The following PPM1H variants were observed in gnomAD, a reference collection of about 807,000 sequenced individuals.
PPM1H encodes protein phosphatase 1H.
A neutral mutation model predicts 54.9 loss-of-function variants in PPM1H; 27 were observed. The ratio of observed to expected loss-of-function variants is 0.49; its 90% CI spans 0.36 to 0.68. The LOEUF is 0.68. PPM1H is among the 30% of genes least tolerant of loss of function. The probability of loss-of-function intolerance (pLI) is 0.00; values close to 1 mark genes in which losing one functional copy is unlikely to be tolerated. For missense variants in PPM1H, 596 were observed against 667.8 expected, an observed-to-expected ratio of 0.89 and a Z score of 1.19; for synonymous variants, 305 against 270.8, an observed-to-expected ratio of 1.13 and a Z score of -1.24.
Position 62,932,330 on chromosome 12 carries a change from A to G in PPM1H, c.245+2162T>C, listed in dbSNP as rs558287323. ...TCTCATTGCATCCTGTGCCTACCATAGGCATGCAAACACTCTGAAATTCGT... is the reference window on the plus strand; with the variant it reads ...TCTCATTGCATCCTGTGCCTACCATGGGCATGCAAACACTCTGAAATTCGT... On this transcript the variant is annotated intron_variant, in intron 1 of 9. Coordinates refer to ENST00000228705, the MANE Select transcript of PPM1H (RefSeq NM_020700.2). Among the ~76,000 whole-genome samples, 10 of 152,242 alleles carry G rather than the reference A, an allele frequency of 6.6e-5. No homozygotes were observed. In the South Asian group the frequency reaches 2.1e-3, roughly 32 times the overall value.
intron 1 of PPM1H, among the ~76,000 whole-genome samples, chr12:62,914,558 G>C (rs917819306): frequency 5.9e-5 from 9 of 152,212 alleles, no homozygotes; most frequent in Non-Finnish European, 1.2e-4. Flanking sequence ...GAAGGTGATG[G>C]AGGGTTAAAG....
intron 4 of PPM1H, among the ~76,000 whole-genome samples, chr12:62,782,438 C>A (rs191337525): frequency 1.7e-3 from 254 of 152,160 alleles, no homozygotes; most frequent in Non-Finnish European, 2.6e-3. Flanking sequence ...AAGGAACTCA[C>A]CTTTGAACTA....
At chr12:62,714,236 A>AT (rs576944426) in intron 6 of PPM1H, among the ~76,000 whole-genome samples, 76 of 152,244 alleles carry the variant, frequency 5.0e-4, no homozygotes, top group African/African-American at 1.7e-3. Flanking sequence ...ATTTTATGTA[A>AT]TTTAGCTAAT....
chr12:62,923,484 C>T (rs1465271371), intron 1 of PPM1H, among the ~76,000 whole-genome samples: 1 of 152,146 alleles, frequency 6.6e-6, no homozygotes, highest in African/African-American at 2.4e-5. Context: ...TCACTGCAAC[C>T]TCTGCCTCCC....
intron 3 of PPM1H, among the ~76,000 whole-genome samples, chr12:62,794,427 T>C (rs1296781838): frequency 1.3e-5 from 2 of 152,202 alleles, no homozygotes; most frequent in African/African-American, 4.8e-5. Context: ...CAACAAAGTC[T>C]AGCTGCTTGG....
chr12:62,793,740 C>CAAAAA (rs34457644), intron 3 of PPM1H, among the ~76,000 whole-genome samples: 4 of 61,194 alleles, frequency 6.5e-5, no homozygotes, highest in African/African-American at 1.1e-4. Context: ...AACTCCGTTT[C>CAAAAA]AAAAAAAAAA....
At chr12:62,732,168 T>G (rs1372653679) in intron 5 of PPM1H, among the ~76,000 whole-genome samples, 1 of 152,166 alleles carries the variant, frequency 6.6e-6, no homozygotes. Context: ...GAACTCCTCA[T>G]CACACACCTG....
At chr12:62,736,694 A>G (rs2076351425) in intron 5 of PPM1H, among the ~76,000 whole-genome samples, 1 of 152,240 alleles carries the variant, frequency 6.6e-6, no homozygotes, top group Non-Finnish European at 1.5e-5. Flanking sequence ...ATTGTTTCCT[A>G]AGAGCAGATG....
At chr12:62,676,135 G>A (rs910242699) in intron 8 of PPM1H, among the ~76,000 whole-genome samples, 42 of 152,212 alleles carry the variant, frequency 2.8e-4, no homozygotes, top group Non-Finnish European at 1.2e-4. Flanking sequence ...ACTCCAGGCC[G>A]TGGACTCCAC....
intron 1 of PPM1H, among the ~76,000 whole-genome samples, chr12:62,932,641 T>TTTTTTTTTTTTTTTTTA (rs1409328343): frequency 7.5e-6 from 1 of 133,074 alleles, no homozygotes; most frequent in East Asian, 2.1e-4. Context: ...TTTTTTTTTT[T>TTTTTTTTTTTTTTTTTA]TTTTTTTTTT....
Position 62,934,726 on chromosome 12 carries a change from C to G in PPM1H, c.11G>C (p.Arg4Pro), listed in dbSNP as rs752812136. The change falls in exon 1 of 10, where the codon CGA becomes CCA. Residue 4 changes from arginine (R) to proline (P), a missense_variant. By Grantham distance (103) the Arg-to-Pro change is moderately radical. Transcript: ENST00000228705. This position sits in a 1 kb window ranked among gnomAD's most constrained non-coding sequence, Gnocchi z 4.2. ...GAAATTGGCCACGGCAGATTTCACT[C>G]GAGTGAGCATATTACTCCGGCGCCC... MLTRVKSAVANFMG... is the reference protein window; with the variant it reads MLTPVKSAVANFMG... 1 of 1,598,736 alleles carries G rather than the reference C, an allele frequency of 6.3e-7. No individual in the cohort carries two copies. Among genetic ancestry groups the G allele is most frequent in the African/African-American group, 1.3e-5 (1 of 74,450 alleles).
At chr12:62,657,697 A>G (rs1264629799) in intron 9 of PPM1H, among the ~76,000 whole-genome samples, 3 of 152,236 alleles carry the variant, frequency 2.0e-5, no homozygotes, top group Non-Finnish European at 4.4e-5. Context: ...TAGTTCAGCT[A>G]ACTCATGGAA....
In PPM1H at chr12:62,701,087, A is replaced by G. The variant is rs531462728; in HGVS notation, c.1074-7088T>C. On this transcript the variant is annotated intron_variant, in intron 6 of 9. Transcript: ENST00000228705. ...ATACCTACAAGAGTGCTCAACATAT[A>G]ATGGGTACCCAATAAATATTTGGTT... 1.4e-4 allele frequency among the ~76,000 whole-genome samples: 22 copies of G among 152,304 alleles called. No individual in the cohort carries two copies. The South Asian group carries it at 4.6e-3, about 32-fold the overall frequency.
intron 9 of PPM1H, among the ~76,000 whole-genome samples, chr12:62,664,030 C>T (rs541458928): frequency 4.0e-5 from 6 of 151,344 alleles, no homozygotes; most frequent in South Asian, 2.1e-4. Flanking sequence ...TACATTTATG[C>T]GAAGAATATA....
At chr12:62,819,973 T>C (rs1337126810) in intron 2 of PPM1H, among the ~76,000 whole-genome samples, 4 of 152,192 alleles carry the variant, frequency 2.6e-5, no homozygotes, top group African/African-American at 4.8e-5. Flanking sequence ...GGGTGGGGCA[T>C]TGCCTCACCT....
chr12:62,795,115 G>C (rs1204343229), intron 3 of PPM1H, among the ~76,000 whole-genome samples: 1 of 152,164 alleles, frequency 6.6e-6, no homozygotes, highest in Non-Finnish European at 1.5e-5. Context: ...CCCAAGCTGT[G>C]CCAGGCAACC....
chr12:62,667,051 T>G (rs986238146), intron 9 of PPM1H, 127 bp downstream of exon 9: 1 of 1,061,494 alleles, frequency 9.4e-7, no homozygotes, highest in Non-Finnish European at 1.3e-6. Context: ...CCTTCTGCAG[T>G]TTGGTTACTG....
At chr12:62,660,604 C>T (rs1334654690) in intron 9 of PPM1H, among the ~76,000 whole-genome samples, 1 of 152,126 alleles carries the variant, frequency 6.6e-6, no homozygotes, top group Non-Finnish European at 1.5e-5. Context: ...ACAGTCTCTT[C>T]AATAAATGGT....
At position 62,791,193 on chromosome 12, in the gene PPM1H, G is replaced by A. The variant is rs139127794; in HGVS notation, c.757-2855C>T. Among the ~76,000 whole-genome samples, 235 of 152,226 alleles carry A rather than the reference G, an allele frequency of 1.5e-3. 1 individual carries two copies. The highest frequency in any genetic ancestry group is 4.0e-3 in the Admixed American group (61 of 15,274). The stretch of plus-strand genomic sequence containing the variant: ...CAACGCTCGCTGAGATAATAATTAA[G>A]CAGAAACCCATGCTTCAATTAAAAT... On this transcript the variant is annotated intron_variant, in intron 3 of 9. Transcript: ENST00000228705.
Sources: gnomAD v4.1 joint callset for allele counts (sites outside exome capture counted in the v4.1 genomes callset) on GRCh38, gnomAD v4.1.1 for gene constraint, Gnocchi (gnomAD v3.1) non-coding constraint, MANE v1.5 for transcripts, NCBI Gene and HGNC (gene_info 2026-07-23, HGNC 2026-07-21) for gene names.